Variants in DLD observed in about 807,000 individuals in gnomAD.
The protein encoded by DLD is dihydrolipoamide dehydrogenase.
In DLD, 36 loss-of-function variants were observed where a neutral mutation model predicts 62.2. The ratio of observed to expected loss-of-function variants is 0.58; its 90% CI spans 0.44 to 0.76. The LOEUF (loss-of-function observed/expected upper bound fraction) is 0.76. Ranked by LOEUF, DLD falls within the 30% of genes least tolerant of loss-of-function variation. DLD has a pLI of 0.00. For synonymous variants in DLD, 204 were observed against 199.6 expected (o/e 1.02, Z -0.19); for missense variants, 541 against 608.6 (o/e 0.89, Z 1.17).
intron 8 of DLD, among the ~76,000 whole-genome samples, chr7:107,915,169 T>TTTATTCTCTGTTATGAATTTTACA (rs2032236857): frequency 6.6e-6 from 1 of 152,226 alleles, no homozygotes; most frequent in Admixed American, 6.5e-5. Context: ...CCTGTAGCAC[T>TTTATTCTCTGTTATGAATTTTACA]TTATTCTCTG....
chr7:107,896,330 G>A (rs2031723120), intron 2 of DLD, among the ~76,000 whole-genome samples: 1 of 152,172 alleles, frequency 6.6e-6, no homozygotes, highest in Non-Finnish European at 1.5e-5. Context: ...GTGACACTGA[G>A]TTGCTAGTAT....
intron 3 of DLD, 32 bp from the exon 4 acceptor site, chr7:107,902,293 G>T (rs770387953): frequency 1.3e-6 from 2 of 1,573,186 alleles, no homozygotes; most frequent in East Asian, 4.5e-5. Context: ...TTGAGGTTAT[G>T]TGCAGTTAAA....
intron 12 of DLD, 96 bp from the exon 13 acceptor site, chr7:107,918,914 T>A: frequency 9.9e-7 from 1 of 1,015,190 alleles, no homozygotes; most frequent in Non-Finnish European, 1.5e-6. Context: ...ATTTAAGGCG[T>A]TTTTAAGATC....
rs77223690 is a variant in DLD at position 107,909,130 on chromosome 7, C to T, written c.684+2762C>T. Among the ~76,000 whole-genome samples the T allele has an allele frequency of 9.1e-3, 1,386 of 152,280 alleles. 18 individuals are homozygous for T. Among genetic ancestry groups the T allele is most frequent in the African/African-American group, 0.032 (1,316 of 41,554 alleles). The stretch of plus-strand genomic sequence containing the variant: ...ATAAAGCAGACATTGAGCTTATGTT[C>T]AGATAAAAACCACATTTTTTTCGCA... On this transcript the variant is annotated intron_variant, in intron 8 of 13. Transcript: ENST00000205402.
intron 8 of DLD, among the ~76,000 whole-genome samples, chr7:107,911,248 T>C (rs2032132095): frequency 6.6e-6 from 1 of 152,174 alleles, no homozygotes. Context: ...CATACAATAT[T>C]ATTTTGTGTG....
intron 8 of DLD, among the ~76,000 whole-genome samples, chr7:107,910,697 A>G (rs1391890019): frequency 6.6e-6 from 1 of 152,256 alleles, no homozygotes; most frequent in Admixed American, 6.5e-5. Context: ...AAAAATAACT[A>G]ACTTACAGGA....
chr7:107,891,508 C>G (rs1022732732), intron 1 of DLD: 7 of 616,664 alleles, frequency 1.1e-5, no homozygotes, highest in Non-Finnish European at 2.0e-5. Flanking sequence ...CAGGCTGTGG[C>G]GAGTCCTTTC....
At chr7:107,895,730 A>G (rs1406020123) in intron 2 of DLD, among the ~76,000 whole-genome samples, 1 of 152,204 alleles carries the variant, frequency 6.6e-6, no homozygotes, top group East Asian at 1.9e-4. Context: ...CTATATATGG[A>G]TTGGGAATGG....
At chr7:107,917,090 T>G in intron 10 of DLD, 126 bp downstream of exon 10, 1 of 1,222,768 alleles carries the variant, frequency 8.2e-7, no homozygotes, top group Non-Finnish European at 1.2e-6. Context: ...ACTTACAAAA[T>G]GTAAAATAAA....
chr7:107,911,328 T>G (rs534518072), intron 8 of DLD, among the ~76,000 whole-genome samples: 1 of 152,336 alleles, frequency 6.6e-6, no homozygotes, highest in African/African-American at 2.4e-5. Flanking sequence ...ACTTCATTTC[T>G]TTATCTGGCT....
intron 7 of DLD, 176 bp downstream of exon 7, chr7:107,905,680 A>G (rs1181059797): frequency 1.2e-5 from 8 of 657,730 alleles, no homozygotes; most frequent in Non-Finnish European, 1.8e-5. Flanking sequence ...GACCAGCTAT[A>G]GAACACTTTA....
chr7:107,919,406 A>G lies in DLD; in HGVS notation c.*147A>G. On this transcript the variant is annotated 3_prime_UTR_variant, in exon 14 of 14. Transcript: ENST00000205402. Reference sequence around the variant, plus strand: ...AAGGTATTTAATAGGTTTGGACAAAATGGAATACTCTTATATCTATATTTT... The same window carrying G: ...AAGGTATTTAATAGGTTTGGACAAAGTGGAATACTCTTATATCTATATTTT... 1 of 652,026 alleles carries G rather than the reference A, an allele frequency of 1.5e-6. No individual in the cohort carries two copies. The highest frequency in any genetic ancestry group is 2.6e-6 in the Non-Finnish European group (1 of 379,326). The allele number at this position is 652,026 out of a possible 1,614,324, so 40.4% of individuals were successfully genotyped here. A position where few individuals can be genotyped will look rare whatever the true frequency, so the allele number is the denominator to read the frequency against.
chr7:107,914,231 T>C (rs1399393583), intron 8 of DLD, among the ~76,000 whole-genome samples: 2 of 152,138 alleles, frequency 1.3e-5, no homozygotes, highest in East Asian at 3.8e-4. Context: ...CCATTTTTTA[T>C]TGAATTTTTC....
Position 107,915,652 on chromosome 7 carries a change from G to T in DLD, c.831G>T (p.Lys277Asn), listed in dbSNP as rs1351453420. 6 of 1,613,598 alleles carry T rather than the reference G, an allele frequency of 3.7e-6. No homozygotes were observed. The highest frequency in any genetic ancestry group is 5.1e-6 in the Non-Finnish European group (6 of 1,179,804). Reference protein sequence around the residue: ...KQGFKFKLNTKVTGATKKSDG... With the variant: ...KQGFKFKLNTNVTGATKKSDG... ...GGTTTAAATTTAAATTGAATACAAAGGTTACTGGTGCTACCAAGAAGTCAG... is the reference window on the plus strand; with the variant it reads ...GGTTTAAATTTAAATTGAATACAAATGTTACTGGTGCTACCAAGAAGTCAG... Residue 277 changes from lysine (K) to asparagine (N), a missense_variant, in exon 9 of 14, where the codon AAG becomes AAT. By Grantham distance (94) the Lys-to-Asn change is moderately conservative. Coordinates refer to ENST00000205402, the MANE Select transcript of DLD (RefSeq NM_000108.5).
intron 8 of DLD, among the ~76,000 whole-genome samples, chr7:107,913,220 G>A (rs374437877): frequency 7.2e-5 from 11 of 151,932 alleles, no homozygotes; most frequent in Non-Finnish European, 1.6e-4. Flanking sequence ...TTTTGAAGCC[G>A]GTTAATATGA....
At chr7:107,918,090 A>G in intron 12 of DLD, 29 bp downstream of exon 12, 1 of 1,613,360 alleles carries the variant, frequency 6.2e-7, no homozygotes, top group Non-Finnish European at 8.5e-7. Context: ...GAGAAATCCC[A>G]TTAAGATTTC....
In DLD at chr7:107,921,135, G is replaced by A. The variant is rs142001971; in HGVS notation, c.*1876G>A. The A allele has an allele frequency of 8.5e-5, 13 of 152,398 alleles. No homozygotes were observed. The East Asian group carries it at 2.4e-3, about 29-fold the overall frequency. The allele number at this position is 152,398 out of a possible 1,614,324, so 9.4% of individuals were successfully genotyped here. A position where few individuals can be genotyped will look rare whatever the true frequency, so the allele number is the denominator to read the frequency against. The stretch of plus-strand genomic sequence containing the variant: ...ATCTTTAAGTGTTTACATTCAGTAT[G>A]AGAATGCAAATTTATCTGTATGGGG... On this transcript the variant is annotated 3_prime_UTR_variant, in exon 14 of 14. Transcript: ENST00000205402.
chr7:107,898,809 C>T (rs1037367043), intron 2 of DLD, among the ~76,000 whole-genome samples: 1 of 145,382 alleles, frequency 6.9e-6, no homozygotes, highest in African/African-American at 2.6e-5. Flanking sequence ...CTCCTGACCT[C>T]GTGATCCGCC....
intron 2 of DLD, among the ~76,000 whole-genome samples, chr7:107,897,411 A>G (rs527715823): frequency 6.6e-6 from 1 of 152,140 alleles, no homozygotes; most frequent in South Asian, 2.1e-4. Flanking sequence ...GTGTAGCCTT[A>G]TGCAAATTAT....
Sources: allele counts gnomAD v4.1 joint callset (sites outside exome capture counted in the v4.1 genomes callset), GRCh38; gene constraint gnomAD v4.1.1; transcripts MANE v1.5; gene names NCBI Gene and HGNC (gene_info 2026-07-23, HGNC 2026-07-21).